The following SBF2 variants were observed in gnomAD, a reference collection of about 807,000 sequenced individuals.
SBF2 encodes the protein myotubularin-related protein 13.
In SBF2, 112 loss-of-function variants were observed where a neutral mutation model predicts 225.2. The ratio of observed to expected loss-of-function variants is 0.50; its 90% CI spans 0.43 to 0.58. SBF2 has a LOEUF of 0.58. Among genes scored for constraint, SBF2 ranks in the 20% least tolerant of loss-of-function variants. The pLI is 0.00. For synonymous variants in SBF2, 763 were observed against 773.3 expected (o/e 0.99, Z 0.22); for missense variants, 1,996 against 2,206.2 (o/e 0.90, Z 1.91).
At chr11:10,257,369 A>G (rs751529445) in intron 1 of SBF2, among the ~76,000 whole-genome samples, 4 of 152,216 alleles carry the variant, frequency 2.6e-5, no homozygotes, top group Non-Finnish European at 5.9e-5. Flanking sequence ...CCAAATAGGC[A>G]TAAGAAATGT....
chr11:9,983,074 G>A (rs1033469530), intron 13 of SBF2, among the ~76,000 whole-genome samples: 5 of 152,174 alleles, frequency 3.3e-5, no homozygotes, highest in Admixed American at 6.5e-5. Flanking sequence ...GAGAAGCCCC[G>A]GGGGTGGTGG....
chr11:10,284,555 G>A (rs773357175), intron 1 of SBF2, among the ~76,000 whole-genome samples: 1 of 151,860 alleles, frequency 6.6e-6, no homozygotes, highest in African/African-American at 2.4e-5. Flanking sequence ...CTTTTTTCCA[G>A]TTTGTAAAAG....
At chr11:10,197,652 A>C (rs1957427367) in intron 1 of SBF2, among the ~76,000 whole-genome samples, 1 of 152,214 alleles carries the variant, frequency 6.6e-6, no homozygotes. Context: ...TTCACAAAAA[A>C]TTTATCCATA....
chr11:9,788,959 G>A, intron 35 of SBF2, 150 bp downstream of exon 35: 1 of 703,516 alleles, frequency 1.4e-6, no homozygotes, highest in Non-Finnish European at 2.5e-6. Context: ...GTCCCCCACT[G>A]ATGATGGGGA....
At chr11:9,807,835 T>A in intron 32 of SBF2, 165 bp downstream of exon 32, 1 of 705,500 alleles carries the variant, frequency 1.4e-6, no homozygotes, top group Admixed American at 2.4e-5. Context: ...TTTTTTTTCT[T>A]TTCCATTCCT....
chr11:9,829,731 T>G, intron 27 of SBF2: 1 of 475,066 alleles, frequency 2.1e-6, no homozygotes, highest in Non-Finnish European at 3.8e-6. Context: ...CTCATTATGC[T>G]TCCAGAAAGA....
At chr11:9,882,659 T>C (rs1564952340) in intron 17 of SBF2, among the ~76,000 whole-genome samples, 1 of 151,766 alleles carries the variant, frequency 6.6e-6, no homozygotes, top group Non-Finnish European at 1.5e-5. Context: ...ATACTAAAAT[T>C]AGCTGGGCGC....
At chr11:10,116,843 T>G (rs1953166824) in intron 2 of SBF2, among the ~76,000 whole-genome samples, 1 of 152,216 alleles carries the variant, frequency 6.6e-6, no homozygotes, top group Admixed American at 6.5e-5. Flanking sequence ...CATTTTGAGC[T>G]CCTATTTATA....
chr11:10,279,944 T>C (rs576027550), intron 1 of SBF2, among the ~76,000 whole-genome samples: 2 of 152,336 alleles, frequency 1.3e-5, no homozygotes, highest in Admixed American at 1.3e-4. Context: ...CCACCACGCC[T>C]GGCCGATCAG....
chr11:10,057,960 C>G (rs1004502666), intron 2 of SBF2, among the ~76,000 whole-genome samples: 2 of 151,990 alleles, frequency 1.3e-5, no homozygotes, highest in Non-Finnish European at 2.9e-5. Flanking sequence ...AATAAAGACC[C>G]TACACAAAGT....
At chr11:10,200,386 G>A (rs575145412) in intron 1 of SBF2, among the ~76,000 whole-genome samples, 10 of 152,134 alleles carry the variant, frequency 6.6e-5, no homozygotes, top group East Asian at 3.9e-4. Flanking sequence ...TTACTGAGCC[G>A]GTCTGAATAA....
intron 16 of SBF2, among the ~76,000 whole-genome samples, chr11:9,908,227 T>C (rs190255744): frequency 0.011 from 1,751 of 152,360 alleles, 18 homozygotes; most frequent in Admixed American, 0.02. Flanking sequence ...TATGTGTTCA[T>C]TTTATCTCTA....
chr11:10,182,391 C>T (rs890353583), intron 2 of SBF2, among the ~76,000 whole-genome samples: 2 of 152,154 alleles, frequency 1.3e-5, no homozygotes, highest in African/African-American at 4.8e-5. Context: ...TCTATATATA[C>T]ATAAATATAA....
At chr11:9,906,651 A>T (rs1862145440) in intron 16 of SBF2, among the ~76,000 whole-genome samples, 1 of 152,242 alleles carries the variant, frequency 6.6e-6, no homozygotes, top group African/African-American at 2.4e-5. Flanking sequence ...CTATTGACAC[A>T]GCAACCGCAT....
chr11:9,947,370 G>A (rs1365301191), intron 16 of SBF2, among the ~76,000 whole-genome samples: 1 of 152,184 alleles, frequency 6.6e-6, no homozygotes, highest in Non-Finnish European at 1.5e-5. Context: ...AGATATAGCA[G>A]CTGCAGTGCT....
intron 16 of SBF2, among the ~76,000 whole-genome samples, chr11:9,940,369 C>T (rs1865180609): frequency 6.6e-6 from 1 of 151,922 alleles, no homozygotes. Flanking sequence ...CGCGCCACTG[C>T]ACTCCAGCCT....
chr11:9,968,676 A>T (rs937763885), intron 13 of SBF2, 131 bp from the exon 14 acceptor site: 18 of 768,254 alleles, frequency 2.3e-5, no homozygotes, highest in Non-Finnish European at 4.0e-5. Flanking sequence ...GCCATAAAAC[A>T]TGAAGTACCA....
In SBF2 at chr11:10,246,139, A is replaced by T. The variant is rs75230063; in HGVS notation, c.55+47876T>A. Among the ~76,000 whole-genome samples, 32 of 152,348 alleles carry T rather than the reference A, an allele frequency of 2.1e-4. 1 individual carries two copies. The East Asian group carries it at 6.2e-3, about 29-fold the overall frequency. On this transcript the variant is annotated intron_variant, in intron 1 of 39. Coordinates refer to ENST00000256190, the MANE Select transcript of SBF2 (RefSeq NM_030962.4). ...ATCTTACGTTGTGTTCTTATCACACACAAAAAAAGAAAGAGTGGGGGGAAG... is the reference window on the plus strand; with the variant it reads ...ATCTTACGTTGTGTTCTTATCACACTCAAAAAAAGAAAGAGTGGGGGGAAG...
intron 17 of SBF2, among the ~76,000 whole-genome samples, chr11:9,876,834 G>A (rs565505405): frequency 5.1e-4 from 77 of 152,148 alleles, no homozygotes; most frequent in Admixed American, 2.6e-3. Context: ...CTGCCTCCTT[G>A]GTTCAACAAT....
Sources: allele counts gnomAD v4.1 joint callset (sites outside exome capture counted in the v4.1 genomes callset), GRCh38; gene constraint gnomAD v4.1.1; transcripts MANE v1.5; gene names NCBI Gene and HGNC (gene_info 2026-07-23, HGNC 2026-07-21).